The following AKAIN1 variants were observed in gnomAD, a reference collection of about 807,000 sequenced individuals.
AKAIN1 encodes the protein A-kinase anchor protein inhibitor 1.
In AKAIN1, 3 loss-of-function variants were observed where a neutral mutation model predicts 3.7. The ratio of observed to expected loss-of-function variants is 0.82; its 90% confidence interval spans 0.37 to 2.12. The LOEUF (loss-of-function observed/expected upper bound fraction) is 2.12, where lower values mean the gene tolerates loss of function less well. AKAIN1 is among the 30% of genes most tolerant of loss of function. The pLI, the probability that AKAIN1 is intolerant of heterozygous loss-of-function variation, is 0.06. For missense variants in AKAIN1, 82 were observed against 82.7 expected (o/e 0.99, Z 0.03); for synonymous variants, 31 against 30.8 (o/e 1.01, Z -0.02).
chr18:5,160,951 T>TGGAACAGCAAGATG (rs548173058), intron 1 of AKAIN1, among the ~76,000 whole-genome samples: 22,516 of 152,080 alleles, frequency 0.15, 2,158 homozygotes, highest in Non-Finnish European at 0.21. Flanking sequence ...ATACTAGTAC[T>TGGAACAGCAAGATG]TTATAAGCCT....
At chr18:5,180,718 A>G (rs1183661180) in intron 1 of AKAIN1, among the ~76,000 whole-genome samples, 1 of 152,106 alleles carries the variant, frequency 6.6e-6, no homozygotes, top group Non-Finnish European at 1.5e-5. Context: ...AATCTCTTCT[A>G]CAGTATGGCA....
intron 1 of AKAIN1, among the ~76,000 whole-genome samples, chr18:5,190,449 TAAA>T (rs1034911421): frequency 6.6e-6 from 1 of 152,272 alleles, no homozygotes; most frequent in Admixed American, 6.5e-5. Flanking sequence ...CTATATTTAC[TAAA>T]AATTGAATTT....
At chr18:5,158,380 T>C (rs530481101) in intron 1 of AKAIN1, among the ~76,000 whole-genome samples, 1 of 152,318 alleles carries the variant, frequency 6.6e-6, no homozygotes, top group African/African-American at 2.4e-5. Flanking sequence ...TGAGAGACGG[T>C]GCAGAAAACA....
intron 1 of AKAIN1, among the ~76,000 whole-genome samples, chr18:5,180,785 G>A (rs1397265622): frequency 1.3e-5 from 2 of 152,020 alleles, no homozygotes; most frequent in East Asian, 3.9e-4. Flanking sequence ...AAATGGGAAG[G>A]CAGGAATAAG....
At chr18:5,147,743 A>T (rs2071057243) in intron 1 of AKAIN1, among the ~76,000 whole-genome samples, 1 of 152,250 alleles carries the variant, frequency 6.6e-6, no homozygotes, top group African/African-American at 2.4e-5. Flanking sequence ...ACAAAGCAAG[A>T]TAAACCTATT....
In AKAIN1 at chr18:5,145,558, C is replaced by A. The variant is rs1325091998; in HGVS notation, c.*4G>T. Reference sequence around the variant, plus strand: ...AGCACATGTCAAGAGCCAAATCCACCATGTTACTTCTTTTCGTGCTTCTTG... The same window carrying A: ...AGCACATGTCAAGAGCCAAATCCACAATGTTACTTCTTTTCGTGCTTCTTG... On this transcript the variant is annotated 3_prime_UTR_variant, in exon 2 of 2. Transcript: ENST00000434239. The A allele has an allele frequency of 6.5e-7, 1 of 1,550,256 alleles. No homozygotes were observed. Among genetic ancestry groups the A allele is most frequent in the East Asian group, 2.4e-5 (1 of 40,906 alleles).
chr18:5,175,365 A>T (rs964442591), intron 1 of AKAIN1, among the ~76,000 whole-genome samples: 1 of 152,212 alleles, frequency 6.6e-6, no homozygotes, highest in Non-Finnish European at 1.5e-5. Flanking sequence ...GCTTTCTATT[A>T]GAACTATAAC....
At chr18:5,178,925 C>T (rs992885869) in intron 1 of AKAIN1, among the ~76,000 whole-genome samples, 4 of 152,174 alleles carry the variant, frequency 2.6e-5, no homozygotes, top group Admixed American at 1.3e-4. Flanking sequence ...GATAAAAATT[C>T]TGCCCCTTTA....
At chr18:5,174,341 A>C (rs2071213918) in intron 1 of AKAIN1, among the ~76,000 whole-genome samples, 1 of 152,152 alleles carries the variant, frequency 6.6e-6, no homozygotes, top group African/African-American at 2.4e-5. Flanking sequence ...GTCAAGGTCC[A>C]CCTTAGAAAG....
chr18:5,157,290 C>G (rs9964920), intron 1 of AKAIN1, among the ~76,000 whole-genome samples: 132 of 152,310 alleles, frequency 8.7e-4, no homozygotes, highest in African/African-American at 3.0e-3. Context: ...GGTGTCCAGA[C>G]ACAGAACCCA....
intron 1 of AKAIN1, among the ~76,000 whole-genome samples, chr18:5,160,090 C>A (rs995788058): frequency 6.6e-6 from 1 of 152,158 alleles, no homozygotes; most frequent in East Asian, 1.9e-4. Context: ...TGTGCAGGAA[C>A]TTCCAGAATC....
At chr18:5,147,719 T>C (rs1008064854) in intron 1 of AKAIN1, among the ~76,000 whole-genome samples, 4 of 152,204 alleles carry the variant, frequency 2.6e-5, no homozygotes, top group Admixed American at 1.3e-4. Context: ...ATTGAGGGAT[T>C]TGCAATCTAG....
At chr18:5,177,241 C>G (rs567887751) in intron 1 of AKAIN1, among the ~76,000 whole-genome samples, 1 of 152,150 alleles carries the variant, frequency 6.6e-6, no homozygotes, top group African/African-American at 2.4e-5. Context: ...TAATGTTTCT[C>G]TTTAAATCAT....
intron 1 of AKAIN1, among the ~76,000 whole-genome samples, chr18:5,180,910 T>C (rs12954762): frequency 0.9 from 137,134 of 152,088 alleles, 62,450 homozygotes; most frequent in East Asian, 1. Flanking sequence ...ACAGACTCAT[T>C]ATACTTGTCC....
chr18:5,171,927 T>C (rs1419410853), intron 1 of AKAIN1, among the ~76,000 whole-genome samples: 2 of 152,086 alleles, frequency 1.3e-5, no homozygotes, highest in African/African-American at 2.4e-5. Context: ...AAGCCAAGAT[T>C]TGGAAGCAAC....
chr18:5,153,050 A>T (rs1032842037), intron 1 of AKAIN1, among the ~76,000 whole-genome samples: 2 of 152,222 alleles, frequency 1.3e-5, no homozygotes, highest in Non-Finnish European at 2.9e-5. Context: ...GGACTTTGGA[A>T]AGGCCAAGGG....
intron 1 of AKAIN1, among the ~76,000 whole-genome samples, chr18:5,158,807 T>C (rs1505959): frequency 0.3 from 46,117 of 152,050 alleles, 7,755 homozygotes; most frequent in African/African-American, 0.44. Context: ...AAGCCCTTGT[T>C]TTAGAGACAC....
intron 1 of AKAIN1, among the ~76,000 whole-genome samples, chr18:5,163,123 A>C (rs1286583465): frequency 6.6e-6 from 1 of 151,984 alleles, no homozygotes; most frequent in Admixed American, 6.6e-5. Context: ...GACCGTGAGG[A>C]AATTTGGTAG....
intron 1 of AKAIN1, chr18:5,170,695 C>T (rs1044768421): frequency 1.3e-5 from 2 of 152,138 alleles, no homozygotes; most frequent in African/African-American, 4.8e-5. Flanking sequence ...CATCAAGAAA[C>T]AGAGTGTCTT....
Sources: gnomAD v4.1 joint callset for allele counts (sites outside exome capture counted in the v4.1 genomes callset) on GRCh38, gnomAD v4.1.1 for gene constraint, MANE v1.5 for transcripts, NCBI Gene and HGNC (gene_info 2026-07-23, HGNC 2026-07-21) for gene names.